Variants in TBC1D1 observed in about 807,000 individuals in gnomAD.
TBC1D1 encodes the protein TBC1 (tre-2/USP6, BUB2, cdc16) domain family, member 1.
In TBC1D1, 89 loss-of-function variants were observed where a neutral mutation model predicts 125.6. That is an observed-to-expected ratio of 0.71 (90% CI 0.60 to 0.85). The LOEUF is 0.85. Among genes scored for constraint, TBC1D1 ranks in the 40% least tolerant of loss-of-function variants. The pLI is 0.00. For synonymous variants in TBC1D1, 565 were observed against 564.1 expected (o/e 1.00, Z -0.02); for missense variants, 1,377 against 1,469.2 (o/e 0.94, Z 1.03).
intron 12 of TBC1D1, among the ~76,000 whole-genome samples, chr4:38,084,175 C>G (rs963498290): frequency 2.0e-5 from 3 of 152,214 alleles, no homozygotes; most frequent in East Asian, 1.9e-4. Context: ...ACCTCATGAT[C>G]TGCCCGCCTC....
chr4:37,978,928 G>A (rs1733805225), intron 2 of TBC1D1, among the ~76,000 whole-genome samples: 1 of 152,164 alleles, frequency 6.6e-6, no homozygotes. Context: ...CTAGGCTGGA[G>A]TGCAGTGGTG....
intron 12 of TBC1D1, 136 bp downstream of exon 14, chr4:38,054,474 T>C: frequency 8.8e-7 from 1 of 1,140,284 alleles, no homozygotes; most frequent in Non-Finnish European, 1.2e-6. Context: ...CAAAGGTAAC[T>C]AGGGAGGGAA....
Position 38,115,941 on chromosome 4 carries a change from T to C in TBC1D1, c.2789T>C (p.Met930Thr), listed in dbSNP as rs890860783. The C allele has an allele frequency of 6.2e-7, 1 of 1,614,096 alleles. No individual in the cohort carries two copies. Among genetic ancestry groups the C allele is most frequent in the South Asian group, 1.1e-5 (1 of 91,076 alleles). Residue 930 changes from methionine (M) to threonine (T), a missense_variant, in exon 16 of 20, where the codon ATG becomes ACG. Coordinates refer to ENST00000261439, the MANE Select transcript of TBC1D1 (RefSeq NM_015173.4). ...CTGCGGAAACAGTATCGGCCAGACA[T>C]GATTATTTTACAGGTATAGAGTGTT...
rs116637162 is a variant in TBC1D1 at position 37,921,765 on chromosome 4, G to T, written c.417+19253G>T. On this transcript the variant is annotated intron_variant, in intron 2 of 19. Coordinates refer to ENST00000261439, the MANE Select transcript of TBC1D1 (RefSeq NM_015173.4). ...TGTTTTTTGGGGGCTAGGGTGTCAT[G>T]AGTTACAAGTGGCACAATCATAGCT... is the stretch of plus-strand genomic sequence containing the variant. Among the ~76,000 whole-genome samples the T allele has an allele frequency of 1.7e-3, 259 of 151,948 alleles. 1 individual carries two copies. Among genetic ancestry groups the T allele is most frequent in the African/African-American group, 6.0e-3 (248 of 41,432 alleles).
chr4:37,962,750 G>T (rs1461826043), intron 2 of TBC1D1, among the ~76,000 whole-genome samples: 1 of 151,996 alleles, frequency 6.6e-6, no homozygotes, highest in South Asian at 2.1e-4. Context: ...TTTATTCTTG[G>T]TAATTTTTTC....
chr4:37,978,377 T>C (rs1733675122), intron 2 of TBC1D1, among the ~76,000 whole-genome samples: 1 of 152,230 alleles, frequency 6.6e-6, no homozygotes, highest in Non-Finnish European at 1.5e-5. Flanking sequence ...GGCCGGCGCC[T>C]TCCCAGGGCT....
In TBC1D1 at chr4:38,052,200, C is replaced by T. The variant is rs1047761277; in HGVS notation, c.1911-1999C>T. 1.5e-3 allele frequency: 931 copies of T among 640,656 alleles called. 4 individuals are homozygous for T. Among genetic ancestry groups the T allele is most frequent in the South Asian group, 4.2e-3 (172 of 41,442 alleles). The allele number at this position is 640,656 out of a possible 1,614,324, so 39.7% of individuals were successfully genotyped here. A position where few individuals can be genotyped will look rare whatever the true frequency, so the allele number is the denominator to read the frequency against. ...GTGTGTGTGTGTGTGTGTGTGCGCGCGCGTGTGTGTCTTTGTTTATATTTT... is the reference window on the plus strand; with the variant it reads ...GTGTGTGTGTGTGTGTGTGTGCGCGTGCGTGTGTGTCTTTGTTTATATTTT... On this transcript the variant is annotated intron_variant, in intron 11 of 19. Coordinates refer to ENST00000261439, the MANE Select transcript of TBC1D1 (RefSeq NM_015173.4).
At chr4:37,957,121 G>A (rs1729092946) in intron 2 of TBC1D1, among the ~76,000 whole-genome samples, 1 of 152,096 alleles carries the variant, frequency 6.6e-6, no homozygotes, top group Non-Finnish European at 1.5e-5. Context: ...GACTCCCTAC[G>A]TGAGATGGGA....
chr4:38,071,428 T>C (rs1048295313), intron 12 of TBC1D1, among the ~76,000 whole-genome samples: 2 of 152,240 alleles, frequency 1.3e-5, no homozygotes, highest in African/African-American at 4.8e-5. Context: ...TTTTTATATC[T>C]CTTTTTCGAT....
At chr4:37,996,375 C>G (rs1164677214) in intron 2 of TBC1D1, among the ~76,000 whole-genome samples, 1 of 152,154 alleles carries the variant, frequency 6.6e-6, no homozygotes, top group Non-Finnish European at 1.5e-5. Context: ...TGTGTGCAGT[C>G]TAAAATATAT....
chr4:37,905,159 C>T (rs1717040304), intron 2 of TBC1D1, among the ~76,000 whole-genome samples: 1 of 152,164 alleles, frequency 6.6e-6, no homozygotes, highest in Non-Finnish European at 1.5e-5. Context: ...ATAAGCATGC[C>T]ATGAGATTGT....
intron 12 of TBC1D1, among the ~76,000 whole-genome samples, chr4:38,074,426 A>G (rs1217911419): frequency 6.6e-6 from 1 of 152,200 alleles, no homozygotes; most frequent in African/African-American, 2.4e-5. Flanking sequence ...CTGAGCACAC[A>G]ATGACCAGGC....
In TBC1D1 at chr4:37,903,622, G is replaced by A. The variant is rs555901495; in HGVS notation, c.417+1110G>A. On this transcript the variant is annotated intron_variant, in intron 2 of 19. Coordinates refer to ENST00000261439, the MANE Select transcript of TBC1D1 (RefSeq NM_015173.4). ...TCTGCACTCCATTAGGTTATTTTATGTACTCTCTAGGGTGTAAGGACCTTA... is the reference window on the plus strand; with the variant it reads ...TCTGCACTCCATTAGGTTATTTTATATACTCTCTAGGGTGTAAGGACCTTA... 6.3e-4 allele frequency among the ~76,000 whole-genome samples: 96 copies of A among 152,328 alleles called. 1 individual carries two copies. Among genetic ancestry groups the A allele is most frequent in the Middle Eastern group, 6.8e-3 (2 of 294 alleles).
At chr4:38,110,464 A>T (rs1762020206) in intron 15 of TBC1D1, 2 of 985,470 alleles carry the variant, frequency 2.0e-6, no homozygotes, top group African/African-American at 1.7e-5. Context: ...CTGGAAGAAC[A>T]TCCGTTAGAT....
chr4:38,132,411 G>A (rs547447271), intron 18 of TBC1D1, among the ~76,000 whole-genome samples: 1 of 152,300 alleles, frequency 6.6e-6, no homozygotes, highest in South Asian at 2.1e-4. Flanking sequence ...AGACACGGAC[G>A]GCTTGAGTCA....
intron 1 of TBC1D1, among the ~76,000 whole-genome samples, chr4:37,892,426 AG>A (rs975883834): frequency 3.3e-5 from 5 of 152,078 alleles, no homozygotes; most frequent in Admixed American, 1.3e-4. Flanking sequence ...TTAAAAAAAA[AG>A]AGTTTAGGGG....
intron 17 of TBC1D1, among the ~76,000 whole-genome samples, chr4:38,119,004 C>T (rs1763428307): frequency 6.6e-6 from 1 of 152,090 alleles, no homozygotes. Context: ...GTTTGTTTTC[C>T]CTACTGCAGA....
At chr4:38,066,959 C>T (rs1753850252) in intron 12 of TBC1D1, among the ~76,000 whole-genome samples, 2 of 152,104 alleles carry the variant, frequency 1.3e-5, no homozygotes, top group African/African-American at 4.8e-5. Flanking sequence ...TCACTGCAAC[C>T]TCCGCCTCCT....
chr4:37,978,787 T>G (rs1733775670), intron 2 of TBC1D1, among the ~76,000 whole-genome samples: 1 of 121,734 alleles, frequency 8.2e-6, no homozygotes, highest in Admixed American at 7.8e-5. Context: ...AGGACGATTG[T>G]TAGCCTTCTC....
Sources: allele counts gnomAD v4.1 joint callset (sites outside exome capture counted in the v4.1 genomes callset), GRCh38; gene constraint gnomAD v4.1.1; transcripts MANE v1.5; gene names NCBI Gene and HGNC (gene_info 2026-07-23, HGNC 2026-07-21).